Variants in GRIN2B observed in about 807,000 individuals in gnomAD.
GRIN2B encodes the protein glutamate ionotropic receptor NMDA type subunit 2B.
In GRIN2B, 5 loss-of-function variants were observed where a neutral mutation model predicts 114.5. The observed-to-expected ratio is 0.04, with a 90% CI of 0.02 to 0.09. The LOEUF (loss-of-function observed/expected upper bound fraction) is 0.09, where lower values mean the gene tolerates loss of function less well. GRIN2B is among the 10% of genes least tolerant of loss of function. GRIN2B has a pLI of 1.00. For synonymous variants in GRIN2B, 787 were observed against 745.1 expected, an observed-to-expected ratio of 1.06 and a Z score of -0.92; for missense variants, 1,108 against 1,943.5, an observed-to-expected ratio of 0.57 and a Z score of 8.08.
intron 4 of GRIN2B, among the ~76,000 whole-genome samples, chr12:13,681,801 A>C (rs1273139837): frequency 6.6e-6 from 1 of 152,130 alleles, no homozygotes; most frequent in African/African-American, 2.4e-5. Context: ...ATCACCTCAC[A>C]TTTCATCTGA....
In GRIN2B at chr12:13,564,747, G is replaced by A. The variant is rs562014803; in HGVS notation, c.2599-108C>T. On this transcript the variant is annotated intron_variant, in intron 13 of 13. Coordinates refer to ENST00000609686, the MANE Select transcript of GRIN2B (RefSeq NM_000834.5). The surrounding 1 kb of genome is among the most constrained non-coding windows in gnomAD (Gnocchi z 4.8). ...TCCAACTGGATAAGAAAAAGGGAAA[G>A]CATGAAGCGAATAGTCTAATATACT... 9.8e-6 allele frequency: 10 copies of A among 1,018,236 alleles called. No individual in the cohort carries two copies. In the South Asian group the frequency reaches 1.0e-4, roughly 10 times the overall value. The allele number at this position is 1,018,236 out of a possible 1,614,324, so 63.1% of individuals were successfully genotyped here.
chr12:13,564,150 A>G lies in GRIN2B; in HGVS notation c.3088T>C (p.Ser1030Pro). The G allele has an allele frequency of 1.2e-6, 2 of 1,613,954 alleles. No homozygotes were observed. The highest frequency in any genetic ancestry group is 1.7e-6 in the Non-Finnish European group (2 of 1,179,960). Residue 1030 changes from serine (S) to proline (P), a missense_variant, in exon 14 of 14, where the codon TCC becomes CCC. By Grantham distance (74) the Ser-to-Pro change is moderately conservative. Transcript: ENST00000609686. This position sits in a 1 kb window ranked among gnomAD's most constrained non-coding sequence, Gnocchi z 4.8. ...AGGTCACTGAGCTGGCTGTGCTTGG[A>G]GGAGGGGAGGCCGATGTCCAGGGGC... ...KKPLDIGLPS[S>P]KHSQLSDLYG...
intron 5 of GRIN2B, among the ~76,000 whole-genome samples, chr12:13,641,690 G>C (rs542794558): frequency 1.3e-5 from 2 of 152,206 alleles, no homozygotes; most frequent in Admixed American, 6.5e-5. Flanking sequence ...ATGAATCCAG[G>C]ACTGAGCCCT....
intron 2 of GRIN2B, among the ~76,000 whole-genome samples, chr12:13,871,439 A>G (rs1410575059): frequency 6.6e-6 from 1 of 151,972 alleles, no homozygotes; most frequent in Non-Finnish European, 1.5e-5. Flanking sequence ...CATAAGGGAA[A>G]CTAAAATTCC....
chr12:13,905,386 G>C (rs1380123764), intron 2 of GRIN2B, among the ~76,000 whole-genome samples: 1 of 152,150 alleles, frequency 6.6e-6, no homozygotes, highest in African/African-American at 2.4e-5. Flanking sequence ...AGAAGTTTTA[G>C]TTGGCTCTTT....
chr12:13,976,800 G>C (rs1221174605), intron 2 of GRIN2B, among the ~76,000 whole-genome samples: 1 of 151,978 alleles, frequency 6.6e-6, no homozygotes, highest in Non-Finnish European at 1.5e-5. Flanking sequence ...CTGCCCCCAG[G>C]GTTTATTGTA....
At chr12:13,793,800 A>ACAATCAGTAAGT (rs1239237190) in intron 3 of GRIN2B, among the ~76,000 whole-genome samples, 1 of 152,158 alleles carries the variant, frequency 6.6e-6, no homozygotes, top group Non-Finnish European at 1.5e-5. Flanking sequence ...GCCTCTGAGC[A>ACAATCAGTAAGT]CAATCAGTAA....
At position 13,552,598 on chromosome 12, in the gene GRIN2B, A is replaced by G. The variant is rs184037468; in HGVS notation, c.*10185T>C. 6.6e-5 allele frequency: 10 copies of G among 152,224 alleles called. No homozygotes were observed. Among genetic ancestry groups the G allele is most frequent in the Admixed American group, 6.5e-4 (10 of 15,292 alleles). 9.4% of individuals were successfully genotyped at this position (152,224 alleles called of 1,614,324 possible). ...CAAATGAGATTCATGAACGTCCTTC[A>G]TGAGGATGGCTGTCTTCCTACCCTC... On this transcript the variant is annotated 3_prime_UTR_variant, in exon 14 of 14. Coordinates refer to ENST00000609686, the MANE Select transcript of GRIN2B (RefSeq NM_000834.5).
chr12:13,911,787 C>A (rs1866631070), intron 2 of GRIN2B, among the ~76,000 whole-genome samples: 1 of 152,168 alleles, frequency 6.6e-6, no homozygotes, highest in African/African-American at 2.4e-5. Context: ...GGAAGGTATT[C>A]AAATACCTGC....
chr12:13,799,057 G>C (rs1864462795), intron 3 of GRIN2B, among the ~76,000 whole-genome samples: 1 of 152,166 alleles, frequency 6.6e-6, no homozygotes, highest in African/African-American at 2.4e-5. Context: ...GCAATTTGTA[G>C]GCATCTTTCC....
At chr12:13,673,617 G>C (rs898851845) in intron 5 of GRIN2B, among the ~76,000 whole-genome samples, 4 of 152,072 alleles carry the variant, frequency 2.6e-5, no homozygotes, top group African/African-American at 9.7e-5. Flanking sequence ...AAATTCAAGA[G>C]CTAGAATAAA....
chr12:13,869,241 CTTTTTTTTTT>C (rs377460231), intron 2 of GRIN2B, among the ~76,000 whole-genome samples: 1 of 127,374 alleles, frequency 7.9e-6, no homozygotes. Flanking sequence ...CTTTTTTTTT[CTTTTTTTTTT>C]TTTTTTTGGT....
intron 10 of GRIN2B, among the ~76,000 whole-genome samples, chr12:13,600,013 G>A (rs1391452894): frequency 6.6e-6 from 1 of 152,084 alleles, no homozygotes; most frequent in Non-Finnish European, 1.5e-5. Flanking sequence ...TTTAATTTTG[G>A]GCCTAGTTCA....
intron 5 of GRIN2B, among the ~76,000 whole-genome samples, chr12:13,669,138 C>T (rs1465392680): frequency 6.6e-6 from 1 of 151,810 alleles, no homozygotes; most frequent in Non-Finnish European, 1.5e-5. Flanking sequence ...CAAAGTCATC[C>T]CCTGGTGTTG....
At chr12:13,771,246 G>A (rs1863902764) in intron 3 of GRIN2B, among the ~76,000 whole-genome samples, 1 of 152,136 alleles carries the variant, frequency 6.6e-6, no homozygotes, top group Admixed American at 6.5e-5. Context: ...CTTCTGCCAT[G>A]ATTGTGAGGC....
At chr12:13,744,783 G>T (rs1376498208) in intron 4 of GRIN2B, among the ~76,000 whole-genome samples, 1 of 152,144 alleles carries the variant, frequency 6.6e-6, no homozygotes, top group Non-Finnish European at 1.5e-5. Context: ...CTTGGAGACT[G>T]GTGCCAGTCT....
intron 2 of GRIN2B, among the ~76,000 whole-genome samples, chr12:13,938,115 T>C (rs948277887): frequency 3.3e-5 from 5 of 152,188 alleles, no homozygotes; most frequent in Non-Finnish European, 5.9e-5. Context: ...ATATGAAATA[T>C]ATTTTATTTA....
In GRIN2B at chr12:13,547,981, A is replaced by ATATATATATTTTTT; in HGVS notation, c.*14801_*14802insAAAAAATATATATA. 7.3e-5 allele frequency: 5 copies of ATATATATATTTTTT among 68,586 alleles called. No homozygotes were observed. Among genetic ancestry groups the ATATATATATTTTTT allele is most frequent in the African/African-American group, 9.2e-5 (2 of 21,780 alleles). 4.2% of individuals were successfully genotyped at this position (68,586 alleles called of 1,614,324 possible). ...TGTGTATATATATATATATATATATATTTTTTTTTTTTTTCTGAAAGCTAC... is the reference window on the plus strand; with the variant it reads ...TGTGTATATATATATATATATATATATATATATATTTTTTTTTTTTTTTTTTTTCTGAAAGCTAC... On this transcript the variant is annotated 3_prime_UTR_variant, in exon 14 of 14. Transcript: ENST00000609686.
chr12:13,633,812 T>TA (rs1346025533), intron 5 of GRIN2B, among the ~76,000 whole-genome samples: 1 of 152,192 alleles, frequency 6.6e-6, no homozygotes, highest in Non-Finnish European at 1.5e-5. Context: ...TCACAACTCA[T>TA]ACCCAGTCAG....
Sources: allele counts gnomAD v4.1 joint callset (sites outside exome capture counted in the v4.1 genomes callset), GRCh38; gene constraint gnomAD v4.1.1; non-coding constraint Gnocchi (gnomAD v3.1); transcripts MANE v1.5; gene names NCBI Gene and HGNC (gene_info 2026-07-23, HGNC 2026-07-21).